The following PKHD1 variants were observed in gnomAD, a reference collection of about 807,000 sequenced individuals.
PKHD1 encodes the protein fibrocystin.
A neutral mutation model predicts 412.0 loss-of-function variants in PKHD1; 291 were observed. The observed-to-expected ratio is 0.71, with a 90% CI of 0.64 to 0.78. PKHD1 has a LOEUF of 0.78. Among genes scored for constraint, PKHD1 ranks in the 30% least tolerant of loss-of-function variants. The pLI, the probability that PKHD1 is intolerant of heterozygous loss-of-function variation, is 0.00. For synonymous variants in PKHD1, 1,777 were observed against 1,821.5 expected (o/e 0.98, Z 0.62); for missense variants, 4,825 against 4,950.7 (o/e 0.97, Z 0.76).
chr6:52,027,218 T>C (rs1341155005), intron 31 of PKHD1, among the ~76,000 whole-genome samples: 1 of 152,076 alleles, frequency 6.6e-6, no homozygotes, highest in Non-Finnish European at 1.5e-5. Context: ...AGACGTTTCA[T>C]CCTCTTTTCA....
Position 51,617,866 on chromosome 6 carries a change from T to C in PKHD1, c.*1215A>G, listed in dbSNP as rs1172331376. 1 of 152,108 alleles carries C rather than the reference T, an allele frequency of 6.6e-6. No homozygotes were observed. The highest frequency in any genetic ancestry group is 2.4e-5 in the African/African-American group (1 of 41,406). 9.4% of individuals were successfully genotyped at this position (152,108 alleles called of 1,614,324 possible). On this transcript the variant is annotated 3_prime_UTR_variant, in exon 67 of 67. Coordinates refer to ENST00000371117, the MANE Select transcript of PKHD1 (RefSeq NM_138694.4). ...GCAACTACACAACAACCCCTTAACA[T>C]TGTAGAGATTGGAAAATCCTGGTTT...
At chr6:51,816,707 G>A (rs1382969049) in intron 52 of PKHD1, among the ~76,000 whole-genome samples, 1 of 152,204 alleles carries the variant, frequency 6.6e-6, no homozygotes. Flanking sequence ...ATGCTAAGCT[G>A]TAACCAATCT....
At chr6:51,968,372 T>C (rs994644551) in intron 35 of PKHD1, among the ~76,000 whole-genome samples, 8 of 152,218 alleles carry the variant, frequency 5.3e-5, no homozygotes, top group Non-Finnish European at 1.0e-4. Flanking sequence ...AATTAGGTCC[T>C]TTTGGTGGTT....
In PKHD1 at chr6:51,899,284, C is replaced by T. The variant is rs568913002; in HGVS notation, c.6996+4313G>A. The stretch of plus-strand genomic sequence containing the variant: ...AATCCTCAATAAAATACTGGCAAAA[C>T]GAATCCAGCAGCACATCAAAAAGCT... On this transcript the variant is annotated intron_variant, in intron 43 of 66. Coordinates refer to ENST00000371117, the MANE Select transcript of PKHD1 (RefSeq NM_138694.4). 9.9e-3 allele frequency among the ~76,000 whole-genome samples: 1,494 copies of T among 151,554 alleles called. 28 individuals are homozygous for T. Among genetic ancestry groups the T allele is most frequent in the African/African-American group, 0.033 (1,374 of 41,214 alleles).
chr6:51,783,105 C>A (rs1792292161), intron 53 of PKHD1, among the ~76,000 whole-genome samples: 1 of 151,998 alleles, frequency 6.6e-6, no homozygotes, highest in African/African-American at 2.4e-5. Context: ...CATCACTGAC[C>A]CTGAAAAACA....
intron 47 of PKHD1, among the ~76,000 whole-genome samples, chr6:51,869,907 C>T (rs568836947): frequency 6.6e-5 from 10 of 152,164 alleles, no homozygotes; most frequent in African/African-American, 1.2e-4. Flanking sequence ...TGGCTGTTTA[C>T]GATGATCAAA....
At chr6:51,862,284 A>C (rs1217008412) in intron 48 of PKHD1, among the ~76,000 whole-genome samples, 1 of 152,232 alleles carries the variant, frequency 6.6e-6, no homozygotes, top group African/African-American at 2.4e-5. Flanking sequence ...TAGTTGTTAA[A>C]CATTTACCAG....
At chr6:51,863,416 C>T (rs1474990) in intron 48 of PKHD1, among the ~76,000 whole-genome samples, 53,106 of 151,972 alleles carry the variant, frequency 0.35, 10,182 homozygotes, top group East Asian at 0.71. Flanking sequence ...AATGAGTCTA[C>T]GACAAGTGAA....
chr6:52,082,823 T>A (rs1486204280), intron 3 of PKHD1, among the ~76,000 whole-genome samples: 2 of 152,206 alleles, frequency 1.3e-5, no homozygotes, highest in African/African-American at 2.4e-5. Context: ...TAAGCAATGG[T>A]GCAGAAGCTC....
At chr6:51,688,746 C>A (rs867052831) in intron 60 of PKHD1, among the ~76,000 whole-genome samples, 4 of 152,028 alleles carry the variant, frequency 2.6e-5, no homozygotes, top group Middle Eastern at 3.2e-3. Context: ...ACTAGAAAAT[C>A]TAGAAGAAAT....
chr6:52,036,966 A>G (rs1479565815), intron 27 of PKHD1, among the ~76,000 whole-genome samples: 1 of 152,208 alleles, frequency 6.6e-6, no homozygotes, highest in Non-Finnish European at 1.5e-5. Flanking sequence ...AAAAATAAAC[A>G]AGAATAGCCA....
intron 57 of PKHD1, among the ~76,000 whole-genome samples, chr6:51,750,640 T>C (rs1785958040): frequency 6.6e-6 from 1 of 152,194 alleles, no homozygotes; most frequent in Admixed American, 6.6e-5. Context: ...TATCAGTTTT[T>C]TTAATGTCTT....
intron 37 of PKHD1, among the ~76,000 whole-genome samples, chr6:51,932,912 A>G (rs1328980760): frequency 1.3e-5 from 2 of 152,190 alleles, no homozygotes; most frequent in African/African-American, 4.8e-5. Flanking sequence ...GGTATGAGAC[A>G]GAGTCTGGAT....
At chr6:51,871,238 A>T (rs1016513279) in intron 46 of PKHD1, among the ~76,000 whole-genome samples, 1 of 152,232 alleles carries the variant, frequency 6.6e-6, no homozygotes, top group African/African-American at 2.4e-5. Context: ...TGTTCATAAC[A>T]GTTCCATTTA....
intron 14 of PKHD1, 79 bp downstream of exon 14, chr6:52,062,440 C>G: frequency 3.5e-6 from 5 of 1,411,950 alleles, no homozygotes; most frequent in Middle Eastern, 3.8e-4. Flanking sequence ...ATCTTGATAC[C>G]TTCCTTATCT....
intron 21 of PKHD1, among the ~76,000 whole-genome samples, chr6:52,052,673 T>C (rs1290279463): frequency 6.6e-6 from 1 of 152,104 alleles, no homozygotes; most frequent in Non-Finnish European, 1.5e-5. Flanking sequence ...ATAACAATAA[T>C]TGCTTATATT....
intron 19 of PKHD1, 137 bp from the exon 20 acceptor site, chr6:52,054,302 G>A: frequency 1.4e-6 from 1 of 736,532 alleles, no homozygotes; most frequent in Non-Finnish European, 2.3e-6. Flanking sequence ...CCCTTCCAGA[G>A]CTTACCAGTG....
chr6:52,053,059 G>C lies in PKHD1; in HGVS notation c.2140+17C>G. On this transcript the variant is annotated intron_variant, in intron 21 of 66. Coordinates refer to ENST00000371117, the MANE Select transcript of PKHD1 (RefSeq NM_138694.4). Reference sequence around the variant, plus strand: ...GCATGTGACCGGCTTGTGGAGGAGAGAGAATTTGATGATTACCTGTTACGT... The same window carrying C: ...GCATGTGACCGGCTTGTGGAGGAGACAGAATTTGATGATTACCTGTTACGT... 1 of 1,612,508 alleles carries C rather than the reference G, an allele frequency of 6.2e-7. No homozygotes were observed. The highest frequency in any genetic ancestry group is 1.1e-5 in the South Asian group (1 of 90,888).
intron 27 of PKHD1, among the ~76,000 whole-genome samples, chr6:52,042,011 A>T (rs144050873): frequency 1.3e-5 from 2 of 152,308 alleles, no homozygotes; most frequent in East Asian, 3.9e-4. Flanking sequence ...CTATAGAGAA[A>T]ACTACACTAT....
Sources: allele counts gnomAD v4.1 joint callset (sites outside exome capture counted in the v4.1 genomes callset), GRCh38; gene constraint gnomAD v4.1.1; transcripts MANE v1.5; gene names NCBI Gene and HGNC (gene_info 2026-07-23, HGNC 2026-07-21).